The following CHCHD3 variants were observed in gnomAD, a reference collection of about 807,000 sequenced individuals.
CHCHD3 encodes the protein MICOS complex subunit MIC19.
CHCHD3 carries 20 observed loss-of-function variants against 38.2 expected under a neutral mutation model. The ratio of observed to expected loss-of-function variants is 0.52; its 90% confidence interval spans 0.37 to 0.76. The LOEUF (loss-of-function observed/expected upper bound fraction) is 0.76, where lower values mean the gene tolerates loss of function less well. Ranked by LOEUF, CHCHD3 falls within the 30% of genes least tolerant of loss-of-function variation. CHCHD3 has a pLI of 0.00. For missense variants in CHCHD3, 245 were observed against 279.2 expected (o/e 0.88, Z 0.87); for synonymous variants, 82 against 100.0 (o/e 0.82, Z 1.07).
At chr7:132,964,668 T>C (rs1439487058) in intron 4 of CHCHD3, among the ~76,000 whole-genome samples, 2 of 152,190 alleles carry the variant, frequency 1.3e-5, no homozygotes, top group South Asian at 2.1e-4. Context: ...CCAGGTCCTT[T>C]TGTGTCTATA....
chr7:132,838,567 C>G (rs1289450907), intron 5 of CHCHD3, 98 bp from the exon 6 acceptor site: 2 of 852,284 alleles, frequency 2.3e-6, no homozygotes, highest in Non-Finnish European at 1.9e-6. Context: ...CTTGTTTCAG[C>G]CACTCAAGCA....
At chr7:132,866,983 T>G (rs1004916163) in intron 5 of CHCHD3, among the ~76,000 whole-genome samples, 1 of 152,172 alleles carries the variant, frequency 6.6e-6, no homozygotes, top group Non-Finnish European at 1.5e-5. Context: ...GGCCTCGCTA[T>G]CCAAAACAGC....
intron 4 of CHCHD3, among the ~76,000 whole-genome samples, chr7:132,939,153 T>C (rs1271815074): frequency 6.6e-6 from 1 of 152,120 alleles, no homozygotes; most frequent in East Asian, 1.9e-4. Flanking sequence ...AGTTGAACAT[T>C]TCCTATCACA....
chr7:133,033,002 C>T (rs1813543932), intron 2 of CHCHD3, among the ~76,000 whole-genome samples: 1 of 151,734 alleles, frequency 6.6e-6, no homozygotes, highest in Non-Finnish European at 1.5e-5. Context: ...CCTGTGTGAC[C>T]AAGAAAAGTA....
chr7:132,810,204 C>A (rs1807032830), intron 6 of CHCHD3, among the ~76,000 whole-genome samples: 1 of 152,124 alleles, frequency 6.6e-6, no homozygotes, highest in South Asian at 2.1e-4. Context: ...CTAATATTTT[C>A]CTACTTAATA....
At chr7:132,814,449 G>T (rs1215644478) in intron 6 of CHCHD3, among the ~76,000 whole-genome samples, 1 of 152,162 alleles carries the variant, frequency 6.6e-6, no homozygotes. Context: ...TTTTCAAATG[G>T]TCTTAAATTG....
chr7:132,936,636 T>G (rs1037938699), intron 4 of CHCHD3, among the ~76,000 whole-genome samples: 1 of 152,220 alleles, frequency 6.6e-6, no homozygotes, highest in African/African-American at 2.4e-5. Flanking sequence ...CCACATGCTG[T>G]GTTCTTAAGA....
At chr7:132,834,947 CATTTATTTATTTATTTATTT>C (rs71529781) in intron 6 of CHCHD3, among the ~76,000 whole-genome samples, 10 of 147,294 alleles carry the variant, frequency 6.8e-5, no homozygotes, top group South Asian at 2.2e-4. Flanking sequence ...TTTTTCCTCT[CATTTATTTATTTATTTATTT>C]ATTTATTTAT....
At chr7:132,878,067 C>CA (rs1251065668) in intron 5 of CHCHD3, among the ~76,000 whole-genome samples, 1 of 151,580 alleles carries the variant, frequency 6.6e-6, no homozygotes, top group Non-Finnish European at 1.5e-5. Flanking sequence ...TCCCCATCTC[C>CA]AAAAAACGAC....
intron 4 of CHCHD3, among the ~76,000 whole-genome samples, chr7:132,965,057 T>TTG (rs932006782): frequency 5.2e-5 from 3 of 57,394 alleles, no homozygotes; most frequent in African/African-American, 1.3e-4. Context: ...GCTATGGGTT[T>TTG]TATGTGTGTG....
chr7:133,033,839 A>G (rs956547605), intron 2 of CHCHD3, among the ~76,000 whole-genome samples: 1 of 151,946 alleles, frequency 6.6e-6, no homozygotes, highest in Non-Finnish European at 1.5e-5. Context: ...TAATCATCAC[A>G]TTGTCTATTT....
intron 5 of CHCHD3, among the ~76,000 whole-genome samples, chr7:132,884,542 G>A (rs1312443990): frequency 2.0e-5 from 3 of 152,170 alleles, no homozygotes; most frequent in African/African-American, 7.2e-5. Flanking sequence ...AACATATGGA[G>A]ACAGCAAACA....
intron 4 of CHCHD3, among the ~76,000 whole-genome samples, chr7:132,921,164 C>T (rs547777529): frequency 6.9e-4 from 105 of 152,210 alleles, no homozygotes; most frequent in Non-Finnish European, 1.2e-3. Context: ...ACAATATTTT[C>T]GCTCTTTTAT....
intron 5 of CHCHD3, among the ~76,000 whole-genome samples, chr7:132,868,035 T>C (rs1029120982): frequency 2.0e-5 from 3 of 152,190 alleles, no homozygotes; most frequent in African/African-American, 7.2e-5. Flanking sequence ...TCACCCACAA[T>C]TGACAAGCTA....
At chr7:132,905,437 G>T (rs1477043934) in intron 4 of CHCHD3, among the ~76,000 whole-genome samples, 1 of 151,988 alleles carries the variant, frequency 6.6e-6, no homozygotes, top group Non-Finnish European at 1.5e-5. Flanking sequence ...AACACACACT[G>T]GGGCCTGCTG....
intron 4 of CHCHD3, among the ~76,000 whole-genome samples, chr7:132,917,858 C>A (rs867243685): frequency 0.012 from 1,071 of 92,938 alleles, no homozygotes; most frequent in South Asian, 0.015. Context: ...GACTCCATCT[C>A]AAAAAAAAAA....
intron 6 of CHCHD3, among the ~76,000 whole-genome samples, chr7:132,829,652 G>A (rs1585552453): frequency 6.6e-6 from 1 of 152,190 alleles, no homozygotes; most frequent in Non-Finnish European, 1.5e-5. Context: ...GAATGCTCCA[G>A]GTCATGGACT....
intron 2 of CHCHD3, among the ~76,000 whole-genome samples, chr7:133,025,304 T>C (rs1813305177): frequency 6.6e-6 from 1 of 152,204 alleles, no homozygotes; most frequent in South Asian, 2.1e-4. Context: ...TGGTATGTTT[T>C]GTAAAGTTTC....
intron 5 of CHCHD3, among the ~76,000 whole-genome samples, chr7:132,850,949 T>C (rs1005510896): frequency 6.6e-6 from 1 of 152,206 alleles, no homozygotes; most frequent in East Asian, 1.9e-4. Context: ...TTATTTCCTT[T>C]AAATTTCTCT....
Sources: allele counts gnomAD v4.1 joint callset (sites outside exome capture counted in the v4.1 genomes callset), GRCh38; gene constraint gnomAD v4.1.1; transcripts MANE v1.5; gene names NCBI Gene and HGNC (gene_info 2026-07-23, HGNC 2026-07-21).